Variants in PSG11 observed in about 807,000 individuals in gnomAD.
PSG11 encodes the protein pregnancy-specific beta-1-glycoprotein 11.
Under a neutral mutation model 36.0 loss-of-function variants are expected in PSG11, and 42 were observed. The observed-to-expected ratio is 1.17, with a 90% confidence interval of 0.91 to 1.51. The LOEUF (loss-of-function observed/expected upper bound fraction) is 1.51. Among genes scored for constraint, PSG11 ranks in the 40% most tolerant of loss-of-function variants. The pLI is 0.00. For missense variants in PSG11, 558 were observed against 403.5 expected (o/e 1.38, Z -3.28); for synonymous variants, 206 against 153.5 (o/e 1.34, Z -2.53).
At position 43,015,270 on chromosome 19, in the gene PSG11, C is replaced by T. The variant is rs370893749; in HGVS notation, c.810G>A (p.Gln270=). 9 of 1,611,376 alleles carry T rather than the reference C, an allele frequency of 5.6e-6. 1 individual carries two copies. The highest frequency in any genetic ancestry group is 6.8e-6 in the Non-Finnish European group (8 of 1,178,502). ...SCFANSNPPA[Q]YSWTINGKFQ... ...ACTTCCCATTAATTGTCCAAGAATACTGTGCTGGTGGGTTAGAGTTTGCGA... is the reference window on the plus strand; with the variant it reads ...ACTTCCCATTAATTGTCCAAGAATATTGTGCTGGTGGGTTAGAGTTTGCGA... The change falls in exon 4 of 6, where the codon CAG becomes CAA. Residue 270 remains glutamine, a synonymous_variant. Coordinates refer to ENST00000320078, the MANE Select transcript of PSG11 (RefSeq NM_002785.3).
chr19:43,014,531 C>T (rs1258779290), intron 4 of PSG11: 4 of 982,610 alleles, frequency 4.1e-6, no homozygotes, highest in African/African-American at 1.8e-5. Context: ...ACTGGCAGCT[C>T]AATTTAGCCA....
chr19:43,013,203 A>C (rs1323580747), intron 4 of PSG11, among the ~76,000 whole-genome samples: 1 of 151,496 alleles, frequency 6.6e-6, no homozygotes, highest in Non-Finnish European at 1.5e-5. Context: ...ACTGGATTTC[A>C]CAATAATTCC....
intron 3 of PSG11, among the ~76,000 whole-genome samples, chr19:43,017,957 G>A (rs543006016): frequency 2.0e-5 from 3 of 151,314 alleles, no homozygotes; most frequent in South Asian, 4.2e-4. Context: ...AAGAGTGAAG[G>A]GGACAGGCAA....
chr19:43,024,032 T>C (rs1568493009), intron 2 of PSG11, among the ~76,000 whole-genome samples: 1 of 151,382 alleles, frequency 6.6e-6, no homozygotes, highest in Non-Finnish European at 1.5e-5. Context: ...CTATGGACTG[T>C]CCTAAGCCTC....
chr19:43,011,063 C>G (rs1188742537), intron 4 of PSG11, among the ~76,000 whole-genome samples: 10 of 151,040 alleles, frequency 6.6e-5, no homozygotes, highest in East Asian at 5.8e-4. Context: ...GCTTAGCGTG[C>G]TGTAAAAACT....
chr19:43,023,106 A>T (rs547028836), intron 2 of PSG11, among the ~76,000 whole-genome samples: 1 of 150,812 alleles, frequency 6.6e-6, no homozygotes, highest in Admixed American at 6.6e-5. Context: ...AGGACCAAGG[A>T]GCCCCGAGAA....
rs147553998 is a variant in PSG11, at chr19:43,008,931, G to C, written c.*41-889C>G. Reference sequence around the variant, plus strand: ...TTAAAAATTACCAATGCCTGGGTCCGTCTCCAGACCTTTAAACTGGAACTA... The same window carrying C: ...TTAAAAATTACCAATGCCTGGGTCCCTCTCCAGACCTTTAAACTGGAACTA... On this transcript the variant is annotated intron_variant, in intron 5 of 5. Transcript: ENST00000320078. 1.0e-3 allele frequency among the ~76,000 whole-genome samples: 153 copies of C among 151,156 alleles called. 4 individuals carry two copies. The highest frequency in any genetic ancestry group is 3.0e-3 in the African/African-American group (121 of 40,970).
At chr19:43,016,742 A>G (rs779283329) in intron 3 of PSG11, among the ~76,000 whole-genome samples, 8 of 151,530 alleles carry the variant, frequency 5.3e-5, no homozygotes, top group Non-Finnish European at 8.8e-5. Flanking sequence ...GATAGGCAAG[A>G]GCTGGTGGCT....
intron 2 of PSG11, among the ~76,000 whole-genome samples, chr19:43,023,731 C>G (rs540640201): frequency 4.0e-5 from 6 of 151,122 alleles, no homozygotes; most frequent in Non-Finnish European, 8.8e-5. Context: ...CTCCCCTTTG[C>G]GTTTGTGTGA....
chr19:43,015,623 T>C (rs532542981), intron 3 of PSG11: 1 of 1,466,296 alleles, frequency 6.8e-7, no homozygotes, highest in Non-Finnish European at 9.1e-7. Context: ...TCTACCCAAG[T>C]TTTCCCAGGG....
intron 3 of PSG11, among the ~76,000 whole-genome samples, chr19:43,016,302 G>A (rs1176109842): frequency 3.3e-5 from 5 of 151,274 alleles, no homozygotes; most frequent in Non-Finnish European, 7.4e-5. Context: ...GGACAGATAC[G>A]TCAGTGGGAG....
intron 2 of PSG11, chr19:43,024,323 G>T (rs1354233527): frequency 2.8e-5 from 9 of 320,280 alleles, no homozygotes; most frequent in African/African-American, 1.7e-4. Context: ...CTAGGGCTGA[G>T]CTTCTCTGAG....
chr19:43,008,766 G>T (rs1266485655), intron 5 of PSG11, among the ~76,000 whole-genome samples: 6 of 151,278 alleles, frequency 4.0e-5, no homozygotes, highest in African/African-American at 1.5e-4. Flanking sequence ...GGCCAAAAAG[G>T]TATAGTCTTA....
chr19:43,009,203 A>T (rs1974009227), intron 5 of PSG11, among the ~76,000 whole-genome samples: 2 of 151,396 alleles, frequency 1.3e-5, no homozygotes, highest in Admixed American at 1.3e-4. Flanking sequence ...TCTCAACCAC[A>T]CATAGGTTGT....
intron 5 of PSG11, among the ~76,000 whole-genome samples, chr19:43,009,691 A>G (rs372537612): frequency 1.8e-4 from 28 of 151,424 alleles, no homozygotes; most frequent in East Asian, 7.8e-4. Flanking sequence ...ATAATGAAGA[A>G]GGTTTCACCA....
Position 43,016,328 on chromosome 19 carries a change from C to T in PSG11, c.710-958G>A, listed in dbSNP as rs539561935. ...TCAGTGGGAGTCACAGCCCCTGGTA[C>T]CCCTCCCAGTCCCTCCATAATCAGT... On this transcript the variant is annotated intron_variant, in intron 3 of 5. Coordinates refer to ENST00000320078, the MANE Select transcript of PSG11 (RefSeq NM_002785.3). 1.4e-3 allele frequency among the ~76,000 whole-genome samples: 207 copies of T among 151,404 alleles called. 5 individuals carry two copies. Among genetic ancestry groups the T allele is most frequent in the African/African-American group, 4.8e-3 (196 of 41,090 alleles).
At chr19:43,015,090 T>G (rs1966924785) in intron 4 of PSG11, 26 bp downstream of exon 4, 3 of 1,611,428 alleles carry the variant, frequency 1.9e-6, no homozygotes, top group Middle Eastern at 3.3e-4. Flanking sequence ...AAAACCCTAT[T>G]GCCAAGGATG....
chr19:43,012,894 C>T (rs186539235), intron 4 of PSG11, among the ~76,000 whole-genome samples: 1 of 151,362 alleles, frequency 6.6e-6, no homozygotes, highest in East Asian at 1.9e-4. Context: ...ACTACAAAGC[C>T]CCAGTAATCA....
chr19:43,020,805 A>G (rs780676932), intron 2 of PSG11, among the ~76,000 whole-genome samples: 14 of 151,008 alleles, frequency 9.3e-5, no homozygotes, highest in Non-Finnish European at 1.9e-4. Flanking sequence ...TAGTAAATAT[A>G]GAAAGAACTT....
Sources: gnomAD v4.1 joint callset for allele counts (sites outside exome capture counted in the v4.1 genomes callset) on GRCh38, gnomAD v4.1.1 for gene constraint, MANE v1.5 for transcripts, NCBI Gene and HGNC (gene_info 2026-07-23, HGNC 2026-07-21) for gene names.